Variants in NLGN4X observed in about 807,000 individuals in gnomAD.
NLGN4X encodes the protein neuroligin-4, X-linked.
In NLGN4X, 3 loss-of-function variants were observed where a neutral mutation model predicts 40.3. The observed-to-expected ratio is 0.07, with a 90% CI of 0.03 to 0.19. The LOEUF is 0.19. Ranked by LOEUF, NLGN4X falls within the 10% of genes least tolerant of loss-of-function variation. The pLI, the probability that NLGN4X is intolerant of heterozygous loss-of-function variation, is 1.00. For missense variants in NLGN4X, 382 were observed against 708.3 expected, an observed-to-expected ratio of 0.54 and a Z score of 5.23; for synonymous variants, 270 against 306.8, an observed-to-expected ratio of 0.88 and a Z score of 1.25.
chrX:5,954,646 C>T (rs915645037), intron 3 of NLGN4X, among the ~76,000 whole-genome samples: 2 of 108,425 alleles, frequency 1.8e-5, no homozygotes, highest in African/African-American at 6.7e-5. Context: ...CTCTCTCTCT[C>T]TCTCTCTCTC....
chrX:6,176,020 C>G (rs2040726789), intron 1 of NLGN4X, among the ~76,000 whole-genome samples: 1 of 111,265 alleles, frequency 9.0e-6, no homozygotes, highest in Non-Finnish European at 1.9e-5. Flanking sequence ...AGCCTTGGCC[C>G]CTACAGTTAT....
At chrX:5,907,421 G>A (rs144552825) in intron 4 of NLGN4X, among the ~76,000 whole-genome samples, 1,410 of 111,543 alleles carry the variant, frequency 0.013, 22 homozygotes, top group African/African-American at 0.044. Context: ...GTGAGCCTCC[G>A]GGGAAAGCCT....
intron 2 of NLGN4X, among the ~76,000 whole-genome samples, chrX:6,065,553 G>A (rs377037041): frequency 1.8e-5 from 2 of 111,109 alleles, no homozygotes; most frequent in African/African-American, 3.3e-5. Flanking sequence ...TAATTTATCC[G>A]CCAAATGTTT....
chrX:5,938,136 G>T (rs2033794742), intron 3 of NLGN4X, among the ~76,000 whole-genome samples: 2 of 111,403 alleles, frequency 1.8e-5, no homozygotes, highest in Non-Finnish European at 3.8e-5. Context: ...GTCCAGGCTG[G>T]GATCTCACAG....
intron 2 of NLGN4X, among the ~76,000 whole-genome samples, chrX:6,030,392 A>ATTGTGTGTGTGTGTGTG (rs56353701): frequency 0.025 from 1,715 of 68,204 alleles, 23 homozygotes; most frequent in South Asian, 0.077. Context: ...CTGGATACAG[A>ATTGTGTGTGTGTGTGTG]TATGTGTGTG....
chrX:6,212,746 G>A (rs1053387577), intron 1 of NLGN4X, among the ~76,000 whole-genome samples: 4 of 111,839 alleles, frequency 3.6e-5, no homozygotes, highest in African/African-American at 1.3e-4. Flanking sequence ...GAACCAGCAG[G>A]GCTGAGAGTT....
intron 3 of NLGN4X, among the ~76,000 whole-genome samples, chrX:5,951,293 C>T (rs1036637971): frequency 5.4e-5 from 6 of 111,581 alleles, no homozygotes; most frequent in African/African-American, 2.0e-4. Context: ...AAATCCATAG[C>T]GGCCCTTTGA....
chrX:5,978,279 TC>T (rs2035250065), intron 3 of NLGN4X, among the ~76,000 whole-genome samples: 1 of 2,954 alleles, frequency 3.4e-4, no homozygotes, highest in African/African-American at 2.7e-3. Context: ...TTTTTTTCTT[TC>T]TTTCTTTCTT....
chrX:6,121,078 G>A (rs1382320241), intron 2 of NLGN4X, among the ~76,000 whole-genome samples: 1 of 110,068 alleles, frequency 9.1e-6, no homozygotes, highest in African/African-American at 3.3e-5. Flanking sequence ...AATTAGGAGG[G>A]AATTCTGCTT....
intron 2 of NLGN4X, among the ~76,000 whole-genome samples, chrX:6,124,052 A>G (rs1448919831): frequency 9.0e-6 from 1 of 111,050 alleles, no homozygotes; most frequent in Non-Finnish European, 1.9e-5. Flanking sequence ...TAAAAATTTT[A>G]AATATAAAAC....
At chrX:6,030,243 A>G (rs1040356573) in intron 2 of NLGN4X, among the ~76,000 whole-genome samples, 2 of 111,772 alleles carry the variant, frequency 1.8e-5, no homozygotes, top group African/African-American at 6.5e-5. Flanking sequence ...ACAATGATGT[A>G]AAAACAATGA....
chrX:5,904,313 G>A (rs1428479812), intron 4 of NLGN4X, among the ~76,000 whole-genome samples: 5 of 111,670 alleles, frequency 4.5e-5, no homozygotes, highest in African/African-American at 1.6e-4. Context: ...AGCAAAACTA[G>A]GTATCTCTTC....
chrX:6,220,497 A>T (rs1380976577), intron 1 of NLGN4X, among the ~76,000 whole-genome samples: 1 of 106,843 alleles, frequency 9.4e-6, no homozygotes, highest in African/African-American at 3.4e-5. Flanking sequence ...ATATTGATGG[A>T]CAAGAGAGGG....
intron 3 of NLGN4X, among the ~76,000 whole-genome samples, chrX:5,953,743 C>G (rs2034392565): frequency 8.9e-6 from 1 of 112,221 alleles, no homozygotes; most frequent in South Asian, 3.7e-4. Context: ...GTAATATGCT[C>G]TTCTTTTTTC....
chrX:6,150,777 T>C (rs1020082652), intron 2 of NLGN4X, among the ~76,000 whole-genome samples: 3 of 112,484 alleles, frequency 2.7e-5, no homozygotes, highest in Non-Finnish European at 5.6e-5. Flanking sequence ...TTAAAGTTAT[T>C]ATTTATAGTT....
At chrX:5,980,794 T>C (rs2035364091) in intron 3 of NLGN4X, among the ~76,000 whole-genome samples, 1 of 111,308 alleles carries the variant, frequency 9.0e-6, no homozygotes, top group Non-Finnish European at 1.9e-5. Context: ...TTTCAATTAA[T>C]ATAGCTCTAT....
intron 2 of NLGN4X, among the ~76,000 whole-genome samples, chrX:6,086,319 A>G (rs2038495324): frequency 1.8e-5 from 2 of 112,566 alleles, no homozygotes; most frequent in African/African-American, 6.5e-5. Flanking sequence ...TCAAAAGCCA[A>G]GAAGATGTGA....
intron 1 of NLGN4X, among the ~76,000 whole-genome samples, chrX:6,225,687 TTC>T (rs1926181968): frequency 2.7e-5 from 2 of 73,575 alleles, no homozygotes; most frequent in Non-Finnish European, 5.2e-5. Flanking sequence ...CTTTCTTTTT[TTC>T]TTTTTTTTTT....
intron 3 of NLGN4X, among the ~76,000 whole-genome samples, chrX:5,940,434 A>G (rs192648626): frequency 9.0e-6 from 1 of 111,128 alleles, no homozygotes; most frequent in African/African-American, 3.3e-5. Flanking sequence ...AGACTGTGTT[A>G]TAAGAAACGA....
Sources: allele counts gnomAD v4.1 joint callset (sites outside exome capture counted in the v4.1 genomes callset), GRCh38; gene constraint gnomAD v4.1.1; transcripts MANE v1.5; gene names NCBI Gene and HGNC (gene_info 2026-07-23, HGNC 2026-07-21).